The following GPX3 variants were observed in gnomAD, a reference collection of about 807,000 sequenced individuals.
GPX3 encodes the protein glutathione peroxidase 3.
A neutral mutation model predicts 25.1 loss-of-function variants in GPX3; 22 were observed. The observed-to-expected ratio is 0.88, with a 90% confidence interval of 0.63 to 1.25. The LOEUF (loss-of-function observed/expected upper bound fraction) is 1.25. Among genes scored for constraint, GPX3 ranks in the 50% most tolerant of loss-of-function variants. GPX3 has a pLI of 0.00. For synonymous variants in GPX3, 110 were observed against 114.5 expected (o/e 0.96, Z 0.25); for missense variants, 278 against 286.6 (o/e 0.97, Z 0.22).
rs751139605 is a variant in GPX3, at chr5:151,028,063, G to A, written c.614G>A (p.Ser205Asn). ...IMRWHHRTTVSNVKMDILSYM... is the reference protein window; with the variant it reads ...IMRWHHRTTVNNVKMDILSYM... ...CGCTGGCACCACCGGACCACGGTCA[G>A]CAACGTCAAGATGGACATCCTGTCC... The change falls in exon 5 of 5, where the codon AGC becomes AAC. Residue 205 changes from serine (S) to asparagine (N), a missense_variant. Ser to Asn is a conservative substitution (Grantham distance 46, BLOSUM62 1). Transcript: ENST00000388825. The A allele has an allele frequency of 6.2e-7, 1 of 1,612,738 alleles. No homozygotes were observed. The highest frequency in any genetic ancestry group is 1.7e-5 in the Admixed American group (1 of 59,754).
rs569551537 is a variant in GPX3, at chr5:151,022,710, C to A, written c.87+1969C>A. Among the ~76,000 whole-genome samples the A allele has an allele frequency of 1.1e-4, 16 of 152,310 alleles. No homozygotes were observed. The East Asian group carries it at 3.1e-3, about 29-fold the overall frequency. Reference sequence around the variant, plus strand: ...CTCCCCAGTCCAACTTCAGGCTGCCCACGCTCCTTGTCTCTACAAAAGGAC... The same window carrying A: ...CTCCCCAGTCCAACTTCAGGCTGCCAACGCTCCTTGTCTCTACAAAAGGAC... On this transcript the variant is annotated intron_variant, in intron 1 of 4. Transcript: ENST00000388825.
Position 151,028,388 on chromosome 5 carries a change from T to C in GPX3, c.*258T>C. On this transcript the variant is annotated 3_prime_UTR_variant, in exon 5 of 5. Coordinates refer to ENST00000388825, the MANE Select transcript of GPX3 (RefSeq NM_002084.5). ...ATGGGTGTACAGCCACGTGTCTACC[T>C]ATGTGTCTTTCTGGGAATGTGTACC... 2.0e-6 allele frequency: 1 copy of C among 490,306 alleles called. No individual in the cohort carries two copies. The highest frequency in any genetic ancestry group is 2.1e-5 in the South Asian group (1 of 48,410). The allele number at this position is 490,306 out of a possible 1,614,324, so 30.4% of individuals were successfully genotyped here. A position where few individuals can be genotyped will look rare whatever the true frequency, so the allele number is the denominator to read the frequency against.
At chr5:151,025,142 G>A (rs3763011) in intron 1 of GPX3, among the ~76,000 whole-genome samples, 198 bp from the exon 2 acceptor site, 36,368 of 151,782 alleles carry the variant, frequency 0.24, 4,988 homozygotes, top group East Asian at 0.62. Flanking sequence ...TTAAGTACCC[G>A]AAAAGCACTT....
intron 1 of GPX3, 31 bp downstream of exon 1, chr5:151,020,772 G>GA (rs1561786699): frequency 1.9e-6 from 3 of 1,588,564 alleles, no homozygotes; most frequent in East Asian, 2.2e-5. Context: ...GGGGCCGGGA[G>GA]AAAAAACCTA....
In GPX3 at chr5:151,024,754, A is replaced by G. The variant is rs8177434; in HGVS notation, c.88-586A>G. Among the ~76,000 whole-genome samples the G allele has an allele frequency of 7.1e-3, 1,075 of 152,172 alleles. 17 individuals carry two copies. The highest frequency in any genetic ancestry group is 0.024 in the African/African-American group (989 of 41,516). The stretch of plus-strand genomic sequence containing the variant: ...GCCTGGCTCTCAGTCCTGCTTCCCT[A>G]TTTGGTAACAACAGCTTCATCTTTC... On this transcript the variant is annotated intron_variant, in intron 1 of 4. Coordinates refer to ENST00000388825, the MANE Select transcript of GPX3 (RefSeq NM_002084.5).
intron 1 of GPX3, 31 bp from the exon 2 acceptor site, chr5:151,025,309 C>T: frequency 1.3e-6 from 2 of 1,512,174 alleles, no homozygotes; most frequent in Non-Finnish European, 1.8e-6. Context: ...CTTTCCAGCT[C>T]TAACTGCTCC....
chr5:151,020,795 C>G, intron 1 of GPX3, 54 bp downstream of exon 1: 1 of 1,509,298 alleles, frequency 6.6e-7, no homozygotes, highest in Non-Finnish European at 9.1e-7. Flanking sequence ...CCCTCGGTGT[C>G]CAGCGCTCAG....
intron 1 of GPX3, 37 bp downstream of exon 1, chr5:151,020,778 A>T: frequency 6.4e-7 from 1 of 1,572,228 alleles, no homozygotes; most frequent in East Asian, 2.3e-5. Context: ...GGGAGAAAAA[A>T]CCTAGCCCCT....
At position 151,028,013 on chromosome 5, in the gene GPX3, G is replaced by A. The variant is rs1233891178; in HGVS notation, c.564G>A (p.Val188=). ...GCTGGAACTTTGAGAAGTTCCTGGTGGGGCCAGATGGTATACCCATCATGC... is the reference window on the plus strand; with the variant it reads ...GCTGGAACTTTGAGAAGTTCCTGGTAGGGCCAGATGGTATACCCATCATGC... ...DIRWNFEKFL[V]GPDGIPIMRW... Residue 188 remains valine, a synonymous_variant, in exon 5 of 5, where the codon GTG becomes GTA. Transcript: ENST00000388825. 2.5e-6 allele frequency: 4 copies of A among 1,614,068 alleles called. No homozygotes were observed. In the African/African-American group the frequency reaches 5.3e-5, roughly 22 times the overall value.
In GPX3 at chr5:151,025,395, T is replaced by C. The variant is rs901489884; in HGVS notation, c.143T>C (p.Ile48Thr). 10 of 1,612,610 alleles carry C rather than the reference T, an allele frequency of 6.2e-6. No homozygotes were observed. Among genetic ancestry groups the C allele is most frequent in the East Asian group, 4.5e-5 (2 of 44,688 alleles). Residue 48 changes from isoleucine to threonine, a missense_variant, in exon 2 of 5, where the codon ATT (isoleucine) becomes ACT (threonine). Physicochemically the swap from Ile to Thr is moderately conservative, Grantham distance 89. Coordinates refer to ENST00000388825, the MANE Select transcript of GPX3 (RefSeq NM_002084.5). ...GTIYEYGALT[I>T]DGEEYIPFKQ... ...ATTTACGAGTACGGAGCCCTCACCATTGATGGGGAGGAGTACATCCCCTTC... is the reference window on the plus strand; with the variant it reads ...ATTTACGAGTACGGAGCCCTCACCACTGATGGGGAGGAGTACATCCCCTTC...
intron 1 of GPX3, chr5:151,020,944 G>A: frequency 3.0e-6 from 2 of 667,914 alleles, no homozygotes; most frequent in Non-Finnish European, 5.4e-6. Flanking sequence ...TCCATCTGTT[G>A]GAGAGCCGAG....
intron 2 of GPX3, chr5:151,026,527 C>T (rs8177443): frequency 0.012 from 2,081 of 180,560 alleles, 46 homozygotes; most frequent in South Asian, 0.094. Context: ...GTAACCTCAC[C>T]CCAAAGAAGT....
At chr5:151,023,339 C>T (rs547490383) in intron 1 of GPX3, among the ~76,000 whole-genome samples, 1 of 152,302 alleles carries the variant, frequency 6.6e-6, no homozygotes, top group African/African-American at 2.4e-5. Context: ...TTCCAAGAGA[C>T]TCCAGGCCTG....
chr5:151,022,192 C>A (rs1396959845), intron 1 of GPX3, among the ~76,000 whole-genome samples: 1 of 152,196 alleles, frequency 6.6e-6, no homozygotes, highest in Non-Finnish European at 1.5e-5. Context: ...GGGCCATAGA[C>A]AGGCCAGCAC....
At chr5:151,025,737 C>T (rs1210353345) in intron 2 of GPX3, among the ~76,000 whole-genome samples, 1 of 152,164 alleles carries the variant, frequency 6.6e-6, no homozygotes, top group Non-Finnish European at 1.5e-5. Context: ...CCTCAACAAC[C>T]CTAAAGGCAG....
In GPX3 at chr5:151,027,896, A is replaced by T. The variant is rs765184725; in HGVS notation, c.460-13A>T. On this transcript the variant is annotated splice_polypyrimidine_tract_variant and intron_variant, in intron 4 of 4. Transcript: ENST00000388825. ...CTCAAGCAAGGTTGACACTCCTCTT[A>T]TCCCTGCTCTAGAACTCCTGTCCTC... 2 of 1,611,262 alleles carry T rather than the reference A, an allele frequency of 1.2e-6. No individual in the cohort carries two copies. The highest frequency in any genetic ancestry group is 2.2e-5 in the South Asian group (2 of 91,016).
chr5:151,028,319 GTTTACACACATGCC>G lies in GPX3; in HGVS notation c.*191_*204del. ...CATGTGGGTGTGGGTGCATGTGGGT[GTTTACACACATGCC>G]TACAGGTATGCGTGATTGTGTGTGT... On this transcript the variant is annotated 3_prime_UTR_variant, in exon 5 of 5. Coordinates refer to ENST00000388825, the MANE Select transcript of GPX3 (RefSeq NM_002084.5). 1.7e-6 allele frequency: 1 copy of G among 605,616 alleles called. No homozygotes were observed. The highest frequency in any genetic ancestry group is 3.0e-6 in the Non-Finnish European group (1 of 337,456). The allele number at this position is 605,616 out of a possible 1,614,324, so 37.5% of individuals were successfully genotyped here. A position where few individuals can be genotyped will look rare whatever the true frequency, so the allele number is the denominator to read the frequency against.
Position 151,025,338 on chromosome 5 carries a change from A to G in GPX3, c.88-2A>G. ...CTGCTCCTTTTATGGCCTGTGTTCC[A>G]GATGGACTGCCATGGTGGCATAAGT... On this transcript the variant is annotated splice_acceptor_variant, in intron 1 of 4. Coordinates refer to ENST00000388825, the MANE Select transcript of GPX3 (RefSeq NM_002084.5). LOFTEE classifies it high-confidence loss of function. 1.3e-6 allele frequency: 2 copies of G among 1,577,986 alleles called. No homozygotes were observed. Among genetic ancestry groups the G allele is most frequent in the Non-Finnish European group, 1.7e-6 (2 of 1,159,846 alleles).
chr5:151,025,608 C>T (rs1756536414), intron 2 of GPX3, 115 bp downstream of exon 2: 1 of 880,398 alleles, frequency 1.1e-6, no homozygotes, highest in Non-Finnish European at 1.7e-6. Context: ...AGTCCAAGCC[C>T]CTTTTCTCAG....
Sources: allele counts gnomAD v4.1 joint callset (sites outside exome capture counted in the v4.1 genomes callset), GRCh38; gene constraint gnomAD v4.1.1; transcripts MANE v1.5; gene names NCBI Gene and HGNC (gene_info 2026-07-23, HGNC 2026-07-21).